ME3: variants seen among roughly 807,000 people sequenced by gnomAD.
ME3 encodes the protein malic enzyme 3, also known as NADP-dependent malic enzyme, mitochondrial.
ME3 carries 48 observed loss-of-function variants against 68.9 expected under a neutral mutation model. The ratio of observed to expected loss-of-function variants is 0.70; its 90% CI spans 0.55 to 0.89. The LOEUF (loss-of-function observed/expected upper bound fraction) is 0.89, where lower values mean the gene tolerates loss of function less well. Ranked by LOEUF, ME3 falls within the 40% of genes least tolerant of loss-of-function variation. The pLI is 0.00. For missense variants in ME3, 675 were observed against 797.4 expected (o/e 0.85, Z 1.85); for synonymous variants, 320 against 318.8 (o/e 1.00, Z -0.04).
rs370379328 is a variant in ME3, at chr11:86,519,941, T to A, written c.468-11074A>T. Among the ~76,000 whole-genome samples the A allele has an allele frequency of 2.0e-5, 3 of 152,336 alleles. No individual in the cohort carries two copies. The South Asian group carries it at 6.2e-4, about 32-fold the overall frequency. On this transcript the variant is annotated intron_variant, in intron 4 of 14. Coordinates refer to ENST00000543262, the Ensembl canonical transcript of ME3. ...CGTGTGACTGAAGTGCGGGATGGGG[T>A]GGCCACAGACAACTGAACATGTTAG... is the stretch of plus-strand genomic sequence containing the variant.
intron 2 of ME3, among the ~76,000 whole-genome samples, chr11:86,669,303 G>A (rs1249336506): frequency 1.3e-5 from 2 of 152,218 alleles, no homozygotes; most frequent in Non-Finnish European, 2.9e-5. Context: ...ATATATAAAA[G>A]ATGTTGTTTA....
At chr11:86,552,695 A>G (rs1956753330) in intron 4 of ME3, among the ~76,000 whole-genome samples, 2 of 152,156 alleles carry the variant, frequency 1.3e-5, no homozygotes, top group East Asian at 3.9e-4. Context: ...CTCCTCTGCC[A>G]TAGTTCAAAA....
intron 2 of ME3, among the ~76,000 whole-genome samples, chr11:86,595,833 C>A (rs917042113): frequency 1.3e-5 from 2 of 152,218 alleles, no homozygotes; most frequent in African/African-American, 2.4e-5. Flanking sequence ...CAGAAGCTCC[C>A]AGGTATGCTG....
intron 2 of ME3, among the ~76,000 whole-genome samples, chr11:86,633,001 G>A (rs1343055929): frequency 6.6e-6 from 1 of 152,180 alleles, no homozygotes; most frequent in East Asian, 1.9e-4. Context: ...CACGGCCCCT[G>A]TGCCCAGGGA....
chr11:86,517,747 T>A (rs1437326064), intron 4 of ME3, among the ~76,000 whole-genome samples: 3 of 152,192 alleles, frequency 2.0e-5, no homozygotes, highest in Admixed American at 2.0e-4. Context: ...GCATATCTCC[T>A]TCCACTAGAC....
At chr11:86,636,405 G>A (rs565903835) in intron 2 of ME3, among the ~76,000 whole-genome samples, 201 of 152,276 alleles carry the variant, frequency 1.3e-3, no homozygotes, top group Non-Finnish European at 2.5e-3. Context: ...CATGAAGAGA[G>A]GGAGTGAGGT....
chr11:86,559,818 C>T, exon 3 of ME3: 1 of 1,613,462 alleles, frequency 6.2e-7, no homozygotes, highest in Non-Finnish European at 8.5e-7. Context: ...GGGTAAAGGC[C>T]ATCCCCTGGG....
intron 8 of ME3, chr11:86,462,637 T>C: frequency 7.9e-7 from 1 of 1,272,532 alleles, no homozygotes; most frequent in Non-Finnish European, 1.0e-6. Flanking sequence ...TCTTTAAACA[T>C]TTATTAGGCA....
chr11:86,609,436 A>G (rs1343737002), intron 2 of ME3, among the ~76,000 whole-genome samples: 2 of 152,192 alleles, frequency 1.3e-5, no homozygotes, highest in Non-Finnish European at 2.9e-5. Flanking sequence ...TAATCTTTGC[A>G]TCCTGTCACC....
chr11:86,655,197 T>C (rs940348175), intron 2 of ME3, among the ~76,000 whole-genome samples: 35 of 152,302 alleles, frequency 2.3e-4, no homozygotes, highest in African/African-American at 2.9e-4. Flanking sequence ...GATTCAATGC[T>C]ATCCCCATCA....
At chr11:86,553,025 C>G (rs1205214109) in intron 4 of ME3, among the ~76,000 whole-genome samples, 5 of 152,136 alleles carry the variant, frequency 3.3e-5, no homozygotes, top group African/African-American at 1.2e-4. Flanking sequence ...AGCCTCACCT[C>G]TGGCTTTCAC....
In ME3 at chr11:86,487,636, T is replaced by C. The variant is rs560301325; in HGVS notation, c.706-196A>G. On this transcript the variant is annotated intron_variant, in intron 6 of 14. Coordinates refer to ENST00000543262, the Ensembl canonical transcript of ME3. The stretch of plus-strand genomic sequence containing the variant: ...GCTAAGCCAGTGATTGAGGTTGGAC[T>C]CTTAGATGGTCCTCATTTTGGAAAC... Among the ~76,000 whole-genome samples the C allele has an allele frequency of 6.6e-5, 10 of 152,282 alleles. No individual in the cohort carries two copies. In the South Asian group the frequency reaches 1.5e-3, roughly 22 times the overall value.
intron 2 of ME3, among the ~76,000 whole-genome samples, chr11:86,580,535 CT>C (rs1488900039): frequency 6.6e-6 from 1 of 152,068 alleles, no homozygotes; most frequent in African/African-American, 2.4e-5. Context: ...GTTTGTGGGT[CT>C]GTATTTTATA....
chr11:86,605,283 A>G (rs914400831), intron 2 of ME3, among the ~76,000 whole-genome samples: 1 of 152,218 alleles, frequency 6.6e-6, no homozygotes, highest in Non-Finnish European at 1.5e-5. Context: ...TACTGTGCCA[A>G]TATGATTTCC....
At chr11:86,491,208 G>T (rs1366240803) in intron 6 of ME3, among the ~76,000 whole-genome samples, 1 of 152,198 alleles carries the variant, frequency 6.6e-6, no homozygotes, top group East Asian at 1.9e-4. Flanking sequence ...GAGGAAGTTG[G>T]AGTTCAAGGG....
At chr11:86,516,293 T>C (rs1953896270) in intron 4 of ME3, among the ~76,000 whole-genome samples, 1 of 152,128 alleles carries the variant, frequency 6.6e-6, no homozygotes. Flanking sequence ...TTTAAACAAA[T>C]AGATGTCTTG....
intron 8 of ME3, among the ~76,000 whole-genome samples, chr11:86,462,272 C>T (rs1950259080): frequency 6.6e-6 from 1 of 151,924 alleles, no homozygotes; most frequent in African/African-American, 2.4e-5. Flanking sequence ...AACTGTGTAG[C>T]CTAGAAATAT....
intron 6 of ME3, 108 bp from the exon 7 acceptor site, chr11:86,487,548 G>C (rs939444026): frequency 2.6e-5 from 22 of 835,232 alleles, no homozygotes; most frequent in Admixed American, 4.5e-5. Context: ...TGGGAGGAGA[G>C]GGGGGAGTAA....
chr11:86,606,464 A>C (rs1450689470), intron 2 of ME3, among the ~76,000 whole-genome samples: 2 of 152,186 alleles, frequency 1.3e-5, no homozygotes, highest in Non-Finnish European at 2.9e-5. Context: ...CCCTGACCCT[A>C]AAGAATCAAT....
Sources: gnomAD v4.1 joint callset for allele counts (sites outside exome capture counted in the v4.1 genomes callset) on GRCh38, gnomAD v4.1.1 for gene constraint, MANE v1.5 for transcripts, NCBI Gene and HGNC (gene_info 2026-07-23, HGNC 2026-07-21) for gene names.